ZNF93: variants seen among roughly 807,000 people sequenced by gnomAD.
ZNF93 encodes the protein zinc finger protein 93, also known as zinc finger protein 505.
A neutral mutation model predicts 45.0 loss-of-function variants in ZNF93; 29 were observed. The ratio of observed to expected loss-of-function variants is 0.64; its 90% CI spans 0.48 to 0.88. The LOEUF (loss-of-function observed/expected upper bound fraction) is 0.88, where lower values mean the gene tolerates loss of function less well. ZNF93 is among the 40% of genes least tolerant of loss of function. The pLI is 0.00. For synonymous variants in ZNF93, 223 were observed against 244.6 expected (o/e 0.91, Z 0.82); for missense variants, 578 against 724.0 (o/e 0.80, Z 2.31).
Position 19,933,553 on chromosome 19 carries a change from C to A in ZNF93, c.598C>A (p.Pro200Thr), listed in dbSNP as rs2063381552. 2 of 1,608,118 alleles carry A rather than the reference C, an allele frequency of 1.2e-6. No homozygotes were observed. Among genetic ancestry groups the A allele is most frequent in the Non-Finnish European group, 1.7e-6 (2 of 1,177,740 alleles). Residue 200 changes from proline to threonine, a missense_variant, in exon 4 of 4, where the codon CCC becomes ACC. Physicochemically the swap from Pro to Thr is conservative, Grantham distance 38. Around this residue, in one of 3 missense-constraint regions of ZNF93, gnomAD observed 446 missense variants for 547.6 expected, o/e 0.81. Transcript: ENST00000343769. ...THKKIHTGEK[P>T]YICEECGKAF... is the part of the protein sequence containing the mutation. Reference sequence around the variant, plus strand: ...TAAGAAAATTCATACTGGAGAGAAACCCTACATTTGTGAAGAATGTGGCAA... The same window carrying A: ...TAAGAAAATTCATACTGGAGAGAAAACCTACATTTGTGAAGAATGTGGCAA...
In ZNF93 at chr19:19,934,999, C is replaced by T. The variant is rs1283817795; in HGVS notation, c.*181C>T. 9.3e-6 allele frequency: 6 copies of T among 645,120 alleles called. No individual in the cohort carries two copies. The highest frequency in any genetic ancestry group is 7.3e-5 in the African/African-American group (4 of 54,882). The allele number at this position is 645,120 out of a possible 1,614,324, so 40.0% of individuals were successfully genotyped here. On this transcript the variant is annotated 3_prime_UTR_variant, in exon 4 of 4. Transcript: ENST00000343769. ...CAGCCATGTAGGCAGGCCTGCAGAC[C>T]TTGGCCTTTACTACGGTACCTGAAG...
At chr19:19,926,131 G>T (rs1373456669) in intron 3 of ZNF93, 1 of 145,440 alleles carries the variant, frequency 6.9e-6, no homozygotes, top group Non-Finnish European at 1.5e-5. Flanking sequence ...CCAGGCTAGC[G>T]TGCAGTGGTG....
rs746929213 is a variant in ZNF93, at chr19:19,933,186, A to G, written c.231A>G (p.Ile77Met). The change falls in exon 4 of 4, where the codon ATA becomes ATG. Residue 77 changes from isoleucine (I) to methionine (M), a missense_variant. Physicochemically the swap from Ile to Met is conservative, Grantham distance 10. Transcript: ENST00000343769. ...RHEMVANPSV[I>M]CSHFAQDLWP... is the part of the protein sequence containing the mutation. ...TGTTTTTATTGTTTCTTTCAGTTATATGTTCTCATTTTGCCCAAGATCTTT... is the reference window on the plus strand; with the variant it reads ...TGTTTTTATTGTTTCTTTCAGTTATGTGTTCTCATTTTGCCCAAGATCTTT... 5.9e-6 allele frequency: 9 copies of G among 1,523,350 alleles called. No individual in the cohort carries two copies. The highest frequency in any genetic ancestry group is 4.0e-5 in the South Asian group (3 of 74,430). The allele number at this position is 1,523,350 out of a possible 1,614,324, so 94.4% of individuals were successfully genotyped here.
At chr19:19,904,057 T>TG (rs1382069559) in intron 1 of ZNF93, among the ~76,000 whole-genome samples, 4 of 128,898 alleles carry the variant, frequency 3.1e-5, no homozygotes, top group African/African-American at 9.5e-5. Context: ...AGATTCTGGC[T>TG]GGAAAAAAAA....
chr19:19,932,601 A>G (rs1214746151), intron 3 of ZNF93: 1 of 152,232 alleles, frequency 6.6e-6, no homozygotes, highest in Non-Finnish European at 1.5e-5. Flanking sequence ...AATTTCGATT[A>G]CTTTTACCTA....
rs762169933 is a variant in ZNF93, at chr19:19,915,378, A to G, written c.102A>G (p.Leu34=). 3.7e-6 allele frequency: 6 copies of G among 1,613,994 alleles called. No homozygotes were observed. The East Asian group carries it at 1.1e-4, about 30-fold the overall frequency. ...GGAATCTATATAGGAATGTGATGTT[A>G]GAGAACTACAGTAACCTGGTCTTCC... ...AQRNLYRNVM[L]ENYSNLVFLG... Residue 34 remains leucine, a synonymous_variant, in exon 2 of 4, where the codon TTA becomes TTG. Coordinates refer to ENST00000343769, the MANE Select transcript of ZNF93 (RefSeq NM_031218.4).
intron 1 of ZNF93, among the ~76,000 whole-genome samples, chr19:19,907,005 A>C (rs538877872): frequency 2.6e-4 from 39 of 150,542 alleles, no homozygotes; most frequent in African/African-American, 2.2e-4. Context: ...AAAAGTTCCC[A>C]AAAAAATTTT....
At chr19:19,904,925 A>G (rs1274266746) in intron 1 of ZNF93, among the ~76,000 whole-genome samples, 2 of 152,020 alleles carry the variant, frequency 1.3e-5, no homozygotes, top group African/African-American at 4.8e-5. Context: ...TCCCAGAACT[A>G]TGCACTACCC....
chr19:19,933,988 A>C lies in ZNF93; in HGVS notation c.1033A>C (p.Lys345Gln), dbSNP rs761215289. Residue 345 changes from lysine to glutamine, a missense_variant, in exon 4 of 4, where the codon AAA becomes CAA. Around this residue, in one of 3 missense-constraint regions of ZNF93, gnomAD observed 446 missense variants for 547.6 expected, o/e 0.81. Coordinates refer to ENST00000343769, the MANE Select transcript of ZNF93 (RefSeq NM_031218.4). ...HTGEKPYKCN[K>Q]CGKAFIASST... ...TGGAGAGAAACCATACAAGTGTAAT[A>C]AATGTGGCAAAGCCTTTATTGCATC... The C allele has an allele frequency of 1.3e-5, 21 of 1,610,956 alleles. No individual in the cohort carries two copies. Among genetic ancestry groups the C allele is most frequent in the Admixed American group, 1.7e-5 (1 of 59,772 alleles).
intron 3 of ZNF93, among the ~76,000 whole-genome samples, chr19:19,924,988 G>A (rs1316676302): frequency 6.6e-6 from 1 of 152,228 alleles, no homozygotes; most frequent in African/African-American, 2.4e-5. Flanking sequence ...CGCAGTAAAA[G>A]CGAAGGTCTG....
chr19:19,919,421 G>A lies in ZNF93; in HGVS notation c.226+2766G>A, dbSNP rs372137229. 4.6e-5 allele frequency among the ~76,000 whole-genome samples: 7 copies of A among 152,076 alleles called. No individual in the cohort carries two copies. The East Asian group carries it at 1.2e-3, about 25-fold the overall frequency. ...AGCTTTGTTCTTTTGGCTTAGGATT[G>A]ACTTGGTAATGTGGGCTCTTTTTTG... On this transcript the variant is annotated intron_variant, in intron 3 of 3. Coordinates refer to ENST00000343769, the MANE Select transcript of ZNF93 (RefSeq NM_031218.4).
intron 1 of ZNF93, among the ~76,000 whole-genome samples, chr19:19,912,851 T>C (rs1001386733): frequency 8.5e-5 from 13 of 152,234 alleles, no homozygotes; most frequent in Non-Finnish European, 1.9e-4. Flanking sequence ...CACCGTGCTC[T>C]GTATCATACT....
chr19:19,922,890 C>T (rs541445461), intron 3 of ZNF93, among the ~76,000 whole-genome samples: 1 of 152,294 alleles, frequency 6.6e-6, no homozygotes, highest in Non-Finnish European at 1.5e-5. Flanking sequence ...TGAACTTCCT[C>T]CTTTAGCTTG....
intron 3 of ZNF93, among the ~76,000 whole-genome samples, chr19:19,931,564 C>T (rs2063374531): frequency 6.6e-6 from 1 of 152,150 alleles, no homozygotes; most frequent in Non-Finnish European, 1.5e-5. Context: ...AGAGGTTTGC[C>T]ATGTTGCCCA....
intron 1 of ZNF93, among the ~76,000 whole-genome samples, chr19:19,901,905 C>A (rs2063272974): frequency 6.6e-6 from 1 of 152,126 alleles, no homozygotes; most frequent in Non-Finnish European, 1.5e-5. Flanking sequence ...GCCTGGCCAA[C>A]ATAGTGAAAC....
chr19:19,909,483 C>T (rs1017184727), intron 1 of ZNF93: 1 of 152,220 alleles, frequency 6.6e-6, no homozygotes, highest in African/African-American at 2.4e-5. Flanking sequence ...TTAGTATACA[C>T]AGATGGCCTC....
chr19:19,926,771 A>G (rs1403035065), intron 3 of ZNF93, among the ~76,000 whole-genome samples: 2 of 152,156 alleles, frequency 1.3e-5, no homozygotes, highest in African/African-American at 4.8e-5. Flanking sequence ...TTTAATTAAG[A>G]AATAAATTAT....
intron 1 of ZNF93, among the ~76,000 whole-genome samples, chr19:19,904,490 A>G (rs987688044): frequency 6.6e-6 from 1 of 152,200 alleles, no homozygotes; most frequent in Non-Finnish European, 1.5e-5. Context: ...GCTCAGAAGC[A>G]TAGATGGGCC....
At chr19:19,906,200 A>G (rs2063292425) in intron 1 of ZNF93, among the ~76,000 whole-genome samples, 2 of 152,134 alleles carry the variant, frequency 1.3e-5, no homozygotes, top group Non-Finnish European at 2.9e-5. Flanking sequence ...AGTATCTGTT[A>G]CCTTTTGACT....
Sources: gnomAD v4.1 joint callset for allele counts (sites outside exome capture counted in the v4.1 genomes callset) on GRCh38, gnomAD v4.1.1 for gene constraint, gnomAD v4.1.1 regional missense constraint, MANE v1.5 for transcripts, NCBI Gene and HGNC (gene_info 2026-07-23, HGNC 2026-07-21) for gene names.